ABCA2: variants seen among roughly 807,000 people sequenced by gnomAD.
ABCA2 encodes the protein ATP binding cassette subfamily A member 2, also known as ATP-binding cassette sub-family A member 2.
ABCA2 carries 84 observed loss-of-function variants against 262.8 expected under a neutral mutation model. That is an observed-to-expected ratio of 0.32 (90% CI 0.27 to 0.38). The LOEUF is 0.38. Ranked by LOEUF, ABCA2 falls within the 10% of genes least tolerant of loss-of-function variation. The pLI is 1.00. For synonymous variants in ABCA2, 1,696 were observed against 1,502.9 expected (o/e 1.13, Z -2.97); for missense variants, 2,662 against 3,405.9 (o/e 0.78, Z 5.44).
In ABCA2 at chr9:137,028,160, G is replaced by C; in HGVS notation, c.-20C>G. On this transcript the variant is annotated 5_prime_UTR_variant, in exon 1 of 49. Coordinates refer to ENST00000341511, the MANE Select transcript of ABCA2 (RefSeq NM_001606.5). The surrounding 1 kb of genome is among the most constrained non-coding windows in gnomAD (Gnocchi z 6.9). Reference sequence around the variant, plus strand: ...GCCCATGGCGGGGCCACGCTCCGCCGCCTCAGCGCCGCGGCCCGCTCCTCT... The same window carrying C: ...GCCCATGGCGGGGCCACGCTCCGCCCCCTCAGCGCCGCGGCCCGCTCCTCT... The C allele has an allele frequency of 2.0e-6, 2 of 981,508 alleles. No individual in the cohort carries two copies. Among genetic ancestry groups the C allele is most frequent in the Non-Finnish European group, 2.4e-6 (2 of 828,438 alleles). The allele number at this position is 981,508 out of a possible 1,614,324, so 60.8% of individuals were successfully genotyped here. A position where few individuals can be genotyped will look rare whatever the true frequency, so the allele number is the denominator to read the frequency against.
intron 45 of ABCA2, 38 bp downstream of exon 45, chr9:137,009,332 G>GGCCCC: frequency 3.1e-6 from 3 of 980,406 alleles, no homozygotes; most frequent in Non-Finnish European, 3.1e-6. Flanking sequence ...CCCCCCCCGG[G>GGCCCC]CCCGCCCCAG....
Position 137,028,057 on chromosome 9 carries a change from C to A in ABCA2, c.66+18G>T. On this transcript the variant is annotated intron_variant, in intron 1 of 48. Transcript: ENST00000341511. The surrounding 1 kb of genome is among the most constrained non-coding windows in gnomAD (Gnocchi z 6.9). ...CGCGCGGCCTCGGGCTGAGGGCGGGCGCGTGGGGTGGGCTCACCGGGCTCC... is the reference window on the plus strand; with the variant it reads ...CGCGCGGCCTCGGGCTGAGGGCGGGAGCGTGGGGTGGGCTCACCGGGCTCC... 1 of 982,218 alleles carries A rather than the reference C, an allele frequency of 1.0e-6. No individual in the cohort carries two copies. Among genetic ancestry groups the A allele is most frequent in the Non-Finnish European group, 1.2e-6 (1 of 827,796 alleles). The allele number at this position is 982,218 out of a possible 1,614,324, so 60.8% of individuals were successfully genotyped here.
rs754622312 is a variant in ABCA2, at chr9:137,019,047, G to A, written c.1578C>T (p.His526=). The change falls in exon 12 of 49, where the codon CAC becomes CAT. Residue 526 remains histidine (H), a synonymous_variant. Coordinates refer to ENST00000341511, the MANE Select transcript of ABCA2 (RefSeq NM_001606.5). This position sits in a 1 kb window ranked among gnomAD's most constrained non-coding sequence, Gnocchi z 4.4. ...CCAGTGACAGGTTCAGTGCCTCGGG[G>A]TGCAGCCGCAGCTCTGCTACATACT... ...LQQYVAELRL[H]PEALNLSLDE... 1.2e-6 allele frequency: 2 copies of A among 1,611,830 alleles called. No individual in the cohort carries two copies. Among genetic ancestry groups the A allele is most frequent in the South Asian group, 2.2e-5 (2 of 91,054 alleles).
rs777818584 is a variant in ABCA2, at chr9:137,020,996, C to T, written c.963G>A (p.Gln321=). 5 of 1,511,416 alleles carry T rather than the reference C, an allele frequency of 3.3e-6. No homozygotes were observed. In the Admixed American group the frequency reaches 9.4e-5, roughly 28 times the overall value. The allele number at this position is 1,511,416 out of a possible 1,614,324, so 93.6% of individuals were successfully genotyped here. Residue 321 remains glutamine (Q), a synonymous_variant, in exon 9 of 49, where the codon CAG becomes CAA. Coordinates refer to ENST00000341511, the MANE Select transcript of ABCA2 (RefSeq NM_001606.5). ...CATCCAGCAGGTCCCCCAGAAGCGC[C>T]TGCAGCCTCCGTGGGGGTGGCGCCT... ...SPQAPPPRRL[Q]ALLGDLLDAQ...
At position 137,019,363 on chromosome 9, in the gene ABCA2, G is replaced by A; in HGVS notation, c.1426-57C>T. 6.3e-7 allele frequency: 1 copy of A among 1,592,020 alleles called. No homozygotes were observed. The highest frequency in any genetic ancestry group is 8.6e-7 in the Non-Finnish European group (1 of 1,166,430). ...CTGGACGGACCCCCACCGACTTGGG[G>A]GCTCTCACCCCACTCACCTCCCCAG... On this transcript the variant is annotated intron_variant, in intron 10 of 48. Transcript: ENST00000341511. The surrounding 1 kb of genome is among the most constrained non-coding windows in gnomAD (Gnocchi z 4.4).
rs372853750 is a variant in ABCA2, at chr9:137,008,581, C to T, written c.7110G>A (p.Glu2370=). ...NFAKKQSDNL[E]QQETEPPSAL... Reference sequence around the variant, plus strand: ...CGGATGGCGGCTCCGTCTCCTGCTGCTCCAGGTTGTCACTCTGCTTCTTGG... The same window carrying T: ...CGGATGGCGGCTCCGTCTCCTGCTGTTCCAGGTTGTCACTCTGCTTCTTGG... The change falls in exon 48 of 49, where the codon GAG becomes GAA. Residue 2370 remains glutamate, a synonymous_variant. Coordinates refer to ENST00000341511, the MANE Select transcript of ABCA2 (RefSeq NM_001606.5). 107 of 1,609,822 alleles carry T rather than the reference C, an allele frequency of 6.6e-5. No individual in the cohort carries two copies. In the Middle Eastern group the frequency reaches 9.9e-4, roughly 15 times the overall value.
At position 137,011,374 on chromosome 9, in the gene ABCA2, T is replaced by C. The variant is rs769806553; in HGVS notation, c.5799+33A>G. ...GGTGAGGGGCACAGCCTCCGCAGGGTCCGCCACCCCCACCATGTCGTCACC... is the reference window on the plus strand; with the variant it reads ...GGTGAGGGGCACAGCCTCCGCAGGGCCCGCCACCCCCACCATGTCGTCACC... On this transcript the variant is annotated intron_variant, in intron 37 of 48. Coordinates refer to ENST00000341511, the MANE Select transcript of ABCA2 (RefSeq NM_001606.5). This position sits in a 1 kb window ranked among gnomAD's most constrained non-coding sequence, Gnocchi z 8.8. 5.0e-6 allele frequency: 8 copies of C among 1,606,402 alleles called. No individual in the cohort carries two copies. Among genetic ancestry groups the C allele is most frequent in the Admixed American group, 3.4e-5 (2 of 59,560 alleles).
chr9:137,013,424 C>T, intron 29 of ABCA2, 37 bp downstream of exon 29: 1 of 1,572,216 alleles, frequency 6.4e-7, no homozygotes, highest in Non-Finnish European at 8.6e-7. Context: ...CCTTCACTCG[C>T]CCCACCCACC....
chr9:137,022,372 G>A lies in ABCA2; in HGVS notation c.546C>T (p.Ala182=), dbSNP rs765690396. The A allele has an allele frequency of 5.6e-6, 9 of 1,609,528 alleles. No individual in the cohort carries two copies. In the Admixed American group the frequency reaches 6.7e-5, roughly 12 times the overall value. The change falls in exon 6 of 49, where the codon GCC becomes GCT. Residue 182 remains alanine, a synonymous_variant. Coordinates refer to ENST00000341511, the MANE Select transcript of ABCA2 (RefSeq NM_001606.5). ...LPNSTAQALL[A]ARVDPPEVYH... is the part of the protein sequence containing the mutation. Reference sequence around the variant, plus strand: ...TTACCTCGGGCGGGTCCACACGGGCGGCCAAGAGTGCTTGGGCCGTGCTAT... The same window carrying A: ...TTACCTCGGGCGGGTCCACACGGGCAGCCAAGAGTGCTTGGGCCGTGCTAT...
Position 137,022,704 on chromosome 9 carries a change from G to C in ABCA2, c.437C>G (p.Thr146Arg). Reference sequence around the variant, plus strand: ...CAACTTCCCTGCACAGGGCACACCTGTGGATCTGTCCAGGTGGCTCCCCGA... The same window carrying C: ...CAACTTCCCTGCACAGGGCACACCTCTGGATCTGTCCAGGTGGCTCCCCGA... Reference protein sequence around the residue: ...GTSGSHLDRSTVSSFSLDSVA... With the variant: ...GTSGSHLDRSRVSSFSLDSVA... Residue 146 changes from threonine (T) to arginine (R), a missense_variant and splice_region_variant, in exon 5 of 49, where the codon ACA becomes AGA. Transcript: ENST00000341511. 6.2e-7 allele frequency: 1 copy of C among 1,605,494 alleles called. No individual in the cohort carries two copies. The highest frequency in any genetic ancestry group is 1.1e-5 in the South Asian group (1 of 89,764).
At position 137,023,032 on chromosome 9, in the gene ABCA2, G is replaced by C; in HGVS notation, c.184C>G (p.Leu62Val). ...KEVSFYTAAP[L>V]TSAGILPVMQ... ...ACAGGCAGGATGCCGGCAGACGTCA[G>C]GGGCGCCGCTGTGTAGAAGGCTGGC... Residue 62 changes from leucine (L) to valine (V), a missense_variant, in exon 4 of 49, where the codon CTG (leucine) becomes GTG (valine). By Grantham distance (32) the Leu-to-Val change is conservative. Coordinates refer to ENST00000341511, the MANE Select transcript of ABCA2 (RefSeq NM_001606.5). 7 of 1,589,806 alleles carry C rather than the reference G, an allele frequency of 4.4e-6. No individual in the cohort carries two copies. The highest frequency in any genetic ancestry group is 6.0e-6 in the Non-Finnish European group (7 of 1,169,204).
intron 28 of ABCA2, 86 bp from the exon 29 acceptor site, chr9:137,013,649 G>T: frequency 2.1e-6 from 3 of 1,430,500 alleles, no homozygotes; most frequent in Non-Finnish European, 2.9e-6. Flanking sequence ...CCAACCCCAA[G>T]GGATCCACGC....
rs758655812 is a variant in ABCA2, at chr9:137,017,907, G to A, written c.2097-6C>T. The stretch of plus-strand genomic sequence containing the variant: ...GCTCAATGACAAACAGGAAGCTGCG[G>A]GGAGGCCGCGCTCAGGCGCCACTCA... On this transcript the variant is annotated splice_polypyrimidine_tract_variant and splice_region_variant and intron_variant, in intron 15 of 48. Coordinates refer to ENST00000341511, the MANE Select transcript of ABCA2 (RefSeq NM_001606.5). The A allele has an allele frequency of 1.9e-6, 3 of 1,612,290 alleles. No homozygotes were observed. The African/African-American group carries it at 4.0e-5, about 22-fold the overall frequency.
At chr9:137,008,351 G>C (rs769118818) in intron 48 of ABCA2, 65 bp downstream of exon 48, 3 of 1,534,294 alleles carry the variant, frequency 2.0e-6, no homozygotes, top group Non-Finnish European at 2.6e-6. Flanking sequence ...CCCGCGGCTG[G>C]AGCCACCAGG....
At chr9:137,022,606 C>A in intron 5 of ABCA2, 96 bp downstream of exon 5, 5 of 1,556,392 alleles carry the variant, frequency 3.2e-6, no homozygotes, top group Non-Finnish European at 4.3e-6. Context: ...GAACTCAGTG[C>A]AGGTGGAGGG....
chr9:137,028,723 G>A, upstream of ABCA2: 13 of 1,262,650 alleles, frequency 1.0e-5, no homozygotes, highest in Non-Finnish European at 1.3e-5. This position sits in a 1 kb window ranked among gnomAD's most constrained non-coding sequence, Gnocchi z 6.9. Context: ...CCACCTGGAA[G>A]GGAGGCAGGG....
rs1240149550 is a variant in ABCA2, at chr9:137,028,204, C to G, written c.-64G>C. The G allele has an allele frequency of 1.0e-6, 1 of 977,762 alleles. No individual in the cohort carries two copies. Among genetic ancestry groups the G allele is most frequent in the Non-Finnish European group, 1.2e-6 (1 of 825,702 alleles). The allele number at this position is 977,762 out of a possible 1,614,324, so 60.6% of individuals were successfully genotyped here. A position where few individuals can be genotyped will look rare whatever the true frequency, so the allele number is the denominator to read the frequency against. On this transcript the variant is annotated 5_prime_UTR_variant, in exon 1 of 49. Coordinates refer to ENST00000341511, the MANE Select transcript of ABCA2 (RefSeq NM_001606.5). The surrounding 1 kb of genome is among the most constrained non-coding windows in gnomAD (Gnocchi z 6.9). ...CTCCTCTGCGCGCCCCGCCGGGCCCCGCAGCCCGCCGCGCCGCTGGGCATC... is the reference window on the plus strand; with the variant it reads ...CTCCTCTGCGCGCCCCGCCGGGCCCGGCAGCCCGCCGCGCCGCTGGGCATC...
chr9:137,013,415 C>G (rs1831140097), intron 29 of ABCA2, 46 bp downstream of exon 29: 2 of 1,562,970 alleles, frequency 1.3e-6, no homozygotes. Flanking sequence ...GTCCCCGCCC[C>G]TTCACTCGCC....
chr9:137,010,813 C>T (rs1485078536), intron 39 of ABCA2, 76 bp from the exon 40 acceptor site: 1 of 1,505,520 alleles, frequency 6.6e-7, no homozygotes, highest in African/African-American at 1.4e-5. Flanking sequence ...CTCGCATCCT[C>T]TGGCTGTGGC....
Sources: gnomAD v4.1 joint callset for allele counts on GRCh38, gnomAD v4.1.1 for gene constraint, Gnocchi (gnomAD v3.1) non-coding constraint, MANE v1.5 for transcripts, NCBI Gene and HGNC (gene_info 2026-07-23, HGNC 2026-07-21) for gene names.